The following STK11 variants were observed in gnomAD, a reference collection of about 807,000 sequenced individuals.
The protein encoded by STK11 is serine/threonine-protein kinase STK11.
In STK11, 8 loss-of-function variants were observed where a neutral mutation model predicts 47.3. The observed-to-expected ratio is 0.17, with a 90% CI of 0.10 to 0.31. The LOEUF (loss-of-function observed/expected upper bound fraction) is 0.31. Ranked by LOEUF, STK11 falls within the 10% of genes least tolerant of loss-of-function variation. The probability of loss-of-function intolerance (pLI) is 1.00; values close to 1 mark genes in which losing one functional copy is unlikely to be tolerated. For missense variants in STK11, 475 were observed against 605.0 expected (o/e 0.79, Z 2.25); for synonymous variants, 330 against 255.8 (o/e 1.29, Z -2.77).
At position 1,221,286 on chromosome 19, in the gene STK11, G is replaced by A; in HGVS notation, c.808G>A (p.Gly270Arg). Residue 270 changes from glycine to arginine, a missense_variant, in exon 6 of 10, where the codon GGG becomes AGG. Physicochemically the swap from Gly to Arg is moderately radical, Grantham distance 125. Transcript: ENST00000326873. ...CAAGTTGTTTGAGAACATCGGGAAG[G>A]GGAGCTACGCCATCCCGGGCGACTG... The part of the protein sequence containing the change: ...IYKLFENIGK[G>R]SYAIPGDCGP... 6.2e-7 allele frequency: 1 copy of A among 1,611,698 alleles called. No individual in the cohort carries two copies. Among genetic ancestry groups the A allele is most frequent in the Non-Finnish European group, 8.5e-7 (1 of 1,179,272 alleles).
chr19:1,226,944 C>T (rs534624644), intron 9 of STK11: 3 of 440,468 alleles, frequency 6.8e-6, no homozygotes, highest in Admixed American at 8.8e-5. Flanking sequence ...GGGTGCATTC[C>T]GAGGACCCTG....
chr19:1,208,599 C>T (rs1290780035), intron 1 of STK11, among the ~76,000 whole-genome samples: 5 of 131,486 alleles, frequency 3.8e-5, no homozygotes, highest in African/African-American at 1.5e-4. Context: ...TGAGTCAACG[C>T]GTGCGGCCTT....
At chr19:1,208,306 ATT>A (rs61525470) in intron 1 of STK11, among the ~76,000 whole-genome samples, 6 of 115,948 alleles carry the variant, frequency 5.2e-5, no homozygotes, top group Admixed American at 9.0e-5. Context: ...GCTCACGTAC[ATT>A]TTTTTTTTTT....
intron 1 of STK11, among the ~76,000 whole-genome samples, chr19:1,216,814 G>C (rs1172226267): frequency 2.7e-5 from 4 of 150,076 alleles, no homozygotes; most frequent in Admixed American, 2.7e-4. Context: ...TCCAGCCTGG[G>C]CGACAGGGAA....
At chr19:1,225,734 G>T (rs375311828) in intron 8 of STK11, 2 of 985,638 alleles carry the variant, frequency 2.0e-6, no homozygotes, top group South Asian at 9.4e-5. Flanking sequence ...GACTTCGCCC[G>T]GGAGGGGCCT....
chr19:1,211,511 C>T (rs925909943), intron 1 of STK11, among the ~76,000 whole-genome samples: 6 of 152,144 alleles, frequency 3.9e-5, no homozygotes, highest in Non-Finnish European at 8.8e-5. Context: ...CCCCTTTCCA[C>T]CCCAGTGAGA....
intron 8 of STK11, chr19:1,226,122 G>C: frequency 1.7e-6 from 2 of 1,162,102 alleles, no homozygotes; most frequent in South Asian, 2.4e-5. Flanking sequence ...GGGAGCACGG[G>C]AGGGTCCTGC....
intron 1 of STK11, among the ~76,000 whole-genome samples, chr19:1,207,588 T>G (rs980137043): frequency 3.3e-5 from 5 of 152,170 alleles, no homozygotes; most frequent in African/African-American, 1.2e-4. Context: ...CCCCGAGAGT[T>G]TGTGTGCGGC....
At position 1,227,605 on chromosome 19, in the gene STK11, A is replaced by G. The variant is rs730881968; in HGVS notation, c.*29A>G. The G allele has an allele frequency of 1.1e-5, 12 of 1,064,760 alleles. No homozygotes were observed. The highest frequency in any genetic ancestry group is 1.4e-5 in the Non-Finnish European group (12 of 879,068). 66.0% of individuals were successfully genotyped at this position (1,064,760 alleles called of 1,614,324 possible). A position where few individuals can be genotyped will look rare whatever the true frequency, so the allele number is the denominator to read the frequency against. On this transcript the variant is annotated 3_prime_UTR_variant, in exon 10 of 10. Transcript: ENST00000326873. ...TTCCACCCTGCAGCCCGTGTCCAGG[A>G]GCCCCGCCAGGTGCCCGCGCCAGGC...
At chr19:1,226,423 G>T in intron 8 of STK11, 31 bp from the exon 9 acceptor site, 1 of 1,601,950 alleles carries the variant, frequency 6.2e-7, no homozygotes, top group Non-Finnish European at 8.5e-7. Context: ...GCGCCCCTCA[G>T]CTCAGGCCAC....
Position 1,218,424 on chromosome 19 carries a change from C to G in STK11, c.298C>G (p.Gln100Glu), listed in dbSNP as rs757841535. Reference protein sequence around the residue: ...NGEANVKKEIQLLRRLRHKNV... With the variant: ...NGEANVKKEIELLRRLRHKNV... ...CTGTCCTCTCTGTCCCAGGGAAATTCAACTACTGAGGAGGTTACGGCACAA... is the reference window on the plus strand; with the variant it reads ...CTGTCCTCTCTGTCCCAGGGAAATTGAACTACTGAGGAGGTTACGGCACAA... Residue 100 changes from glutamine (Q) to glutamate (E), a missense_variant, in exon 2 of 10, where the codon CAA (glutamine) becomes GAA (glutamate). Physicochemically the swap from Gln to Glu is conservative, Grantham distance 29 (BLOSUM62 2). Coordinates refer to ENST00000326873, the MANE Select transcript of STK11 (RefSeq NM_000455.5). 6 of 1,613,392 alleles carry G rather than the reference C, an allele frequency of 3.7e-6. No homozygotes were observed. The African/African-American group carries it at 5.3e-5, about 14-fold the overall frequency.
chr19:1,223,599 TGCCCGCTGGCCCTGATGCCG>T, intron 8 of STK11: 1 of 1,075,038 alleles, frequency 9.3e-7, no homozygotes, highest in Non-Finnish European at 1.1e-6. Flanking sequence ...CCCTGAGGCC[TGCCCGCTGGCCCTGATGCCG>T]GCCGCCCTTC....
chr19:1,224,940 G>A (rs1189501355), intron 8 of STK11: 1 of 985,532 alleles, frequency 1.0e-6, no homozygotes, highest in East Asian at 1.1e-4. Flanking sequence ...CTTGCGTTGG[G>A]GCAGGACAGC....
rs1002812444 is a variant in STK11, at chr19:1,206,531, G to A, written c.-383G>A. On this transcript the variant is annotated 5_prime_UTR_variant, in exon 1 of 10. Coordinates refer to ENST00000326873, the MANE Select transcript of STK11 (RefSeq NM_000455.5). ...TGTTCATACTTGTCCGTGGGCCTGA[G>A]GTCCCCGGAGGATGACCTAGCACTG... 1 of 308,814 alleles carries A rather than the reference G, an allele frequency of 3.2e-6. No homozygotes were observed. The highest frequency in any genetic ancestry group is 6.1e-6 in the Non-Finnish European group (1 of 163,972). The allele number at this position is 308,814 out of a possible 1,614,324, so 19.1% of individuals were successfully genotyped here.
At chr19:1,224,179 G>GT (rs2080805374) in intron 8 of STK11, 1 of 986,006 alleles carries the variant, frequency 1.0e-6, no homozygotes, top group East Asian at 1.1e-4. Context: ...AGAGCACAGT[G>GT]TATGGGGGTC....
Position 1,209,561 on chromosome 19 carries a change from G to A in STK11, c.290+2358G>A, listed in dbSNP as rs911668578. 2.6e-5 allele frequency among the ~76,000 whole-genome samples: 4 copies of A among 151,790 alleles called. No homozygotes were observed. The East Asian group carries it at 5.8e-4, about 22-fold the overall frequency. On this transcript the variant is annotated intron_variant, in intron 1 of 9. Coordinates refer to ENST00000326873, the MANE Select transcript of STK11 (RefSeq NM_000455.5). ...CGCACCATTGCGCTCCAGCCTGGGC[G>A]ACACAGCGAGACTCTGTCTCAAAAA...
At chr19:1,215,656 G>C (rs1320408214) in intron 1 of STK11, among the ~76,000 whole-genome samples, 1 of 152,250 alleles carries the variant, frequency 6.6e-6, no homozygotes, top group Non-Finnish European at 1.5e-5. Context: ...TGCACTGGGA[G>C]GGAAAGGTGA....
In STK11 at chr19:1,228,190, CCT is replaced by C. The variant is rs2080842113; in HGVS notation, c.*615_*616del. On this transcript the variant is annotated 3_prime_UTR_variant, in exon 10 of 10. Coordinates refer to ENST00000326873, the MANE Select transcript of STK11 (RefSeq NM_000455.5). ...GGCCGCCTTTGCGCTCTCGGGTCAC[CCT>C]GCTTTGGCGGCCCGGCCGGAGGGCA... 5.8e-6 allele frequency: 6 copies of C among 1,033,998 alleles called. No individual in the cohort carries two copies. The highest frequency in any genetic ancestry group is 5.9e-6 in the Non-Finnish European group (5 of 850,780). The allele number at this position is 1,033,998 out of a possible 1,614,324, so 64.1% of individuals were successfully genotyped here. A position where few individuals can be genotyped will look rare whatever the true frequency, so the allele number is the denominator to read the frequency against.
At chr19:1,222,938 G>A (rs1005885417) in intron 7 of STK11, 47 bp from the exon 8 acceptor site, 15 of 1,501,294 alleles carry the variant, frequency 1.0e-5, no homozygotes, top group Admixed American at 2.1e-5. Context: ...AAACTGGACC[G>A]CCCTGGTGCC....
Sources: gnomAD v4.1 joint callset for allele counts (sites outside exome capture counted in the v4.1 genomes callset) on GRCh38, gnomAD v4.1.1 for gene constraint, MANE v1.5 for transcripts, NCBI Gene and HGNC (gene_info 2026-07-23, HGNC 2026-07-21) for gene names.